Variants in PPFIA2 observed in about 807,000 individuals in gnomAD.
The protein encoded by PPFIA2 is liprin-alpha-2.
A neutral mutation model predicts 175.5 loss-of-function variants in PPFIA2; 46 were observed. The observed-to-expected ratio is 0.26, with a 90% CI of 0.21 to 0.34. The LOEUF (loss-of-function observed/expected upper bound fraction) is 0.34. Ranked by LOEUF, PPFIA2 falls within the 10% of genes least tolerant of loss-of-function variation. The pLI is 1.00. For synonymous variants in PPFIA2, 568 were observed against 511.4 expected (o/e 1.11, Z -1.49); for missense variants, 1,179 against 1,506.1 (o/e 0.78, Z 3.60).
intron 9 of PPFIA2, among the ~76,000 whole-genome samples, chr12:81,378,915 A>G (rs1249006640): frequency 6.6e-6 from 1 of 152,096 alleles, no homozygotes. Flanking sequence ...TATGTAGCAC[A>G]TAGCATTGTT....
At chr12:81,289,839 T>C (rs1435624354) in intron 24 of PPFIA2, among the ~76,000 whole-genome samples, 1 of 151,846 alleles carries the variant, frequency 6.6e-6, no homozygotes, top group Non-Finnish European at 1.5e-5. Flanking sequence ...TTATTTTTGT[T>C]ACATCCTTCT....
chr12:81,575,782 A>C (rs1348683462), intron 4 of PPFIA2, among the ~76,000 whole-genome samples: 1 of 151,742 alleles, frequency 6.6e-6, no homozygotes, highest in Non-Finnish European at 1.5e-5. Context: ...TCACGAAATA[A>C]GAGTGACAGA....
chr12:81,439,185 C>CTATA (rs1381426622), intron 7 of PPFIA2, among the ~76,000 whole-genome samples: 2 of 145,056 alleles, frequency 1.4e-5, no homozygotes, highest in Admixed American at 7.0e-5. Context: ...CTCTCTCTCT[C>CTATA]TATATATATA....
intron 4 of PPFIA2, among the ~76,000 whole-genome samples, chr12:81,473,475 T>A (rs951059676): frequency 1.3e-5 from 2 of 152,160 alleles, no homozygotes; most frequent in Non-Finnish European, 2.9e-5. Flanking sequence ...ACAAATTGAA[T>A]TTTTGCTATT....
intron 7 of PPFIA2, among the ~76,000 whole-genome samples, chr12:81,409,727 T>C (rs950387751): frequency 4.6e-5 from 7 of 152,164 alleles, no homozygotes; most frequent in Non-Finnish European, 1.0e-4. Context: ...GATTACATGT[T>C]GAGTAGGAGG....
intron 21 of PPFIA2, among the ~76,000 whole-genome samples, chr12:81,332,396 C>G (rs569425198): frequency 6.6e-6 from 1 of 152,110 alleles, no homozygotes; most frequent in East Asian, 1.9e-4. Context: ...GTTTCAATAC[C>G]CTTTTCTCAA....
intron 4 of PPFIA2, among the ~76,000 whole-genome samples, chr12:81,592,017 T>C (rs1254085009): frequency 6.6e-6 from 1 of 152,118 alleles, no homozygotes; most frequent in Non-Finnish European, 1.5e-5. Context: ...TGTAAAGCCA[T>C]AGGGGTGGAA....
intron 4 of PPFIA2, among the ~76,000 whole-genome samples, chr12:81,570,644 T>G (rs1420148585): frequency 6.6e-6 from 1 of 151,218 alleles, no homozygotes; most frequent in East Asian, 1.9e-4. Context: ...TTGTGAAAAT[T>G]TTTCTTAAAA....
chr12:81,472,822 C>T (rs1490098127), intron 4 of PPFIA2: 1 of 152,176 alleles, frequency 6.6e-6, no homozygotes, highest in African/African-American at 2.4e-5. Context: ...ATTTTCTCTC[C>T]TGTTCCTAGG....
At chr12:81,480,705 C>T (rs1423763974) in intron 4 of PPFIA2, among the ~76,000 whole-genome samples, 2 of 152,120 alleles carry the variant, frequency 1.3e-5, no homozygotes, top group Non-Finnish European at 2.9e-5. Flanking sequence ...TAGAAGTCCA[C>T]TCCAGACCCT....
chr12:81,359,422 G>C (rs1325524580), intron 15 of PPFIA2, among the ~76,000 whole-genome samples: 1 of 151,512 alleles, frequency 6.6e-6, no homozygotes, highest in Non-Finnish European at 1.5e-5. Context: ...CAAGTAAACA[G>C]GTTTTATCAT....
intron 22 of PPFIA2, among the ~76,000 whole-genome samples, chr12:81,316,699 A>G (rs141933753): frequency 1.3e-4 from 19 of 151,722 alleles, no homozygotes; most frequent in African/African-American, 4.3e-4. Flanking sequence ...ATTTTTAAGG[A>G]TAGGGTAGGG....
intron 3 of PPFIA2, among the ~76,000 whole-genome samples, chr12:81,714,358 A>G (rs550291957): frequency 8.6e-5 from 13 of 150,978 alleles, no homozygotes; most frequent in Non-Finnish European, 1.6e-4. Flanking sequence ...AAAGAATGGG[A>G]TCTATTACAA....
chr12:81,367,100 C>T lies in PPFIA2; in HGVS notation c.1545+8G>A, dbSNP rs991570002. The T allele has an allele frequency of 9.6e-6, 14 of 1,460,356 alleles. No individual in the cohort carries two copies. Among genetic ancestry groups the T allele is most frequent in the Non-Finnish European group, 1.2e-5 (13 of 1,100,242 alleles). The allele number at this position is 1,460,356 out of a possible 1,614,324, so 90.5% of individuals were successfully genotyped here. A position where few individuals can be genotyped will look rare whatever the true frequency, so the allele number is the denominator to read the frequency against. ...AAAATGGGCCCAAAACATAAGTTTC[C>T]ATTATACCTTATCATGTAAAGATTC... On this transcript the variant is annotated splice_region_variant and intron_variant, in intron 14 of 32. Transcript: ENST00000549396.
intron 25 of PPFIA2, among the ~76,000 whole-genome samples, chr12:81,283,975 T>C (rs897823839): frequency 4.6e-5 from 7 of 152,170 alleles, no homozygotes; most frequent in Admixed American, 4.6e-4. Flanking sequence ...ACTTCCAATG[T>C]TGCAACATGA....
intron 4 of PPFIA2, among the ~76,000 whole-genome samples, chr12:81,487,658 T>A (rs923519357): frequency 6.6e-6 from 1 of 151,788 alleles, no homozygotes; most frequent in Non-Finnish European, 1.5e-5. Flanking sequence ...GGCTGATATC[T>A]CACACCCATG....
At chr12:81,738,973 G>A (rs897325614) in intron 3 of PPFIA2, among the ~76,000 whole-genome samples, 2 of 151,722 alleles carry the variant, frequency 1.3e-5, no homozygotes, top group African/African-American at 2.4e-5. Context: ...TAGAATTCAA[G>A]GGAAAATACC....
intron 32 of PPFIA2, chr12:81,260,225 G>A (rs1027662129): frequency 4.6e-5 from 7 of 152,100 alleles, no homozygotes; most frequent in African/African-American, 1.7e-4. Context: ...AATATCAAAA[G>A]TGTTGTTGTT....
chr12:81,596,257 T>C (rs2059236076), intron 4 of PPFIA2, among the ~76,000 whole-genome samples: 2 of 151,666 alleles, frequency 1.3e-5, no homozygotes, highest in African/African-American at 4.8e-5. Context: ...ATTATATACC[T>C]TAATCTTTGT....
Sources: gnomAD v4.1 joint callset for allele counts (sites outside exome capture counted in the v4.1 genomes callset) on GRCh38, gnomAD v4.1.1 for gene constraint, MANE v1.5 for transcripts, NCBI Gene and HGNC (gene_info 2026-07-23, HGNC 2026-07-21) for gene names.